Variants in TSKS observed in about 807,000 individuals in gnomAD.
The protein encoded by TSKS is testis-specific serine kinase substrate.
A neutral mutation model predicts 68.0 loss-of-function variants in TSKS; 27 were observed. The ratio of observed to expected loss-of-function variants is 0.40; its 90% CI spans 0.29 to 0.55. TSKS has a LOEUF of 0.55. TSKS is among the 20% of genes least tolerant of loss of function. The probability of loss-of-function intolerance (pLI) is 0.53; values close to 1 mark genes in which losing one functional copy is unlikely to be tolerated. For missense variants in TSKS, 806 were observed against 776.0 expected, an observed-to-expected ratio of 1.04 and a Z score of -0.46; for synonymous variants, 331 against 340.4, an observed-to-expected ratio of 0.97 and a Z score of 0.30.
At chr19:49,744,517 C>T in intron 7 of TSKS, 113 bp from the exon 8 acceptor site, 1 of 1,059,690 alleles carries the variant, frequency 9.4e-7, no homozygotes, top group South Asian at 1.5e-5. Flanking sequence ...AGCAATTCTC[C>T]ACCCTGCCCT....
Position 49,746,661 on chromosome 19 carries a change from G to T in TSKS, c.801C>A (p.Gly267=). ...EPEEKQKPEA[G]LSWNSLGPAA... is the part of the protein sequence containing the mutation. ...CGGGGCCCAGGCTGTTCCAGGAGAG[G>T]CCAGCCTCCGGCTTCTGCTTCTCCT... The change falls in exon 6 of 11, where the codon GGC becomes GGA. Residue 267 remains glycine (G), a synonymous_variant. Coordinates refer to ENST00000246801, the MANE Select transcript of TSKS (RefSeq NM_021733.2). 6.2e-7 allele frequency: 1 copy of T among 1,606,184 alleles called. No homozygotes were observed. The highest frequency in any genetic ancestry group is 8.5e-7 in the Non-Finnish European group (1 of 1,179,248).
chr19:49,746,372 C>T, intron 6 of TSKS, 98 bp downstream of exon 6: 1 of 1,428,332 alleles, frequency 7.0e-7, no homozygotes, highest in South Asian at 1.3e-5. Flanking sequence ...CTTGAGAACC[C>T]CCGTCCCTTG....
chr19:49,740,213 C>G, intron 9 of TSKS, 30 bp from the exon 10 acceptor site: 1 of 1,596,186 alleles, frequency 6.3e-7, no homozygotes, highest in Non-Finnish European at 8.5e-7. Context: ...CGTAGCTGGG[C>G]TTGCTGGACT....
At chr19:49,743,647 G>A (rs1012345509) in intron 8 of TSKS, among the ~76,000 whole-genome samples, 3 of 151,680 alleles carry the variant, frequency 2.0e-5, no homozygotes, top group Non-Finnish European at 2.9e-5. Context: ...ACAGGCACCC[G>A]CCACCACGCC....
chr19:49,749,514 C>T (rs924054488), intron 2 of TSKS, among the ~76,000 whole-genome samples: 2 of 152,168 alleles, frequency 1.3e-5, no homozygotes, highest in African/African-American at 4.8e-5. Context: ...CACATGACTG[C>T]CCAACCAGAG....
At chr19:49,751,181 G>A (rs557415202) in intron 2 of TSKS, among the ~76,000 whole-genome samples, 1 of 151,180 alleles carries the variant, frequency 6.6e-6, no homozygotes. Flanking sequence ...GCAGGCAGTT[G>A]TAATCCCAGC....
intron 9 of TSKS, among the ~76,000 whole-genome samples, 158 bp downstream of exon 9, chr19:49,741,727 C>G (rs1444066893): frequency 2.6e-5 from 4 of 152,204 alleles, no homozygotes; most frequent in African/African-American, 9.6e-5. Context: ...GTCCATCTCC[C>G]CATGCATTAG....
chr19:49,747,571 C>G lies in TSKS; in HGVS notation c.580-99G>C, dbSNP rs1190857002. ...TCCATCCAGGCTCCAGGCCTCCTAGCCCCCCAGTACAAGACACACTCACCA... is the reference window on the plus strand; with the variant it reads ...TCCATCCAGGCTCCAGGCCTCCTAGGCCCCCAGTACAAGACACACTCACCA... On this transcript the variant is annotated intron_variant, in intron 4 of 10. Coordinates refer to ENST00000246801, the MANE Select transcript of TSKS (RefSeq NM_021733.2). The G allele has an allele frequency of 3.4e-6, 4 of 1,184,596 alleles. No individual in the cohort carries two copies. The African/African-American group carries it at 6.0e-5, about 18-fold the overall frequency. The allele number at this position is 1,184,596 out of a possible 1,614,324, so 73.4% of individuals were successfully genotyped here. A position where few individuals can be genotyped will look rare whatever the true frequency, so the allele number is the denominator to read the frequency against.
At position 49,763,186 on chromosome 19, in the gene TSKS, G is replaced by T; in HGVS notation, c.62C>A (p.Thr21Asn). The T allele has an allele frequency of 1.3e-6, 2 of 1,595,194 alleles. No individual in the cohort carries two copies. The highest frequency in any genetic ancestry group is 1.7e-6 in the Non-Finnish European group (2 of 1,170,956). The change falls in exon 1 of 11, where the codon ACC becomes AAC. Residue 21 changes from threonine (T) to asparagine (N), a missense_variant. Thr to Asn is a moderately conservative substitution (Grantham distance 65). Coordinates refer to ENST00000246801, the MANE Select transcript of TSKS (RefSeq NM_021733.2). The surrounding 1 kb of genome is among the most constrained non-coding windows in gnomAD (Gnocchi z 4.5). ...GGAGCAGCTCTCCACCCCCGTGGGGGTGTCCCCGGCCTCATGGATCTCTTT... is the reference window on the plus strand; with the variant it reads ...GGAGCAGCTCTCCACCCCCGTGGGGTTGTCCCCGGCCTCATGGATCTCTTT... ...QSKEIHEAGD[T>N]PTGVESCSQL...
intron 6 of TSKS, among the ~76,000 whole-genome samples, chr19:49,745,976 G>T (rs1366322746): frequency 6.6e-6 from 1 of 152,122 alleles, no homozygotes; most frequent in Non-Finnish European, 1.5e-5. Flanking sequence ...GAGGCCAGGA[G>T]ATCGAGGCCA....
intron 2 of TSKS, among the ~76,000 whole-genome samples, chr19:49,758,117 A>ACTCTCTGGGTCTCTGTCCCCCC (rs2084408464): frequency 2.9e-5 from 3 of 104,956 alleles, no homozygotes; most frequent in African/African-American, 1.1e-4. Context: ...TCTGTCCCCC[A>ACTCTCTGGGTCTCTGTCCCCCC]CTCTCTGGGT....
intron 2 of TSKS, among the ~76,000 whole-genome samples, chr19:49,759,377 A>G (rs28794768): frequency 0.31 from 45,950 of 150,398 alleles, 8,980 homozygotes; most frequent in African/African-American, 0.56. Flanking sequence ...GCTGAGGCAG[A>G]AGAATGGCTT....
chr19:49,757,314 G>C (rs993760733), intron 2 of TSKS, among the ~76,000 whole-genome samples: 2 of 152,164 alleles, frequency 1.3e-5, no homozygotes, highest in African/African-American at 4.8e-5. Context: ...CCAAAATCTT[G>C]TTTGCAACCT....
At position 49,740,184 on chromosome 19, in the gene TSKS, C is replaced by T; in HGVS notation, c.1498-1G>A. Reference sequence around the variant, plus strand: ...TGGCTAAGGCCTGGCGCTCCAGCTCCTGGGGAGAGGAGCGTAGGCGTAGCT... The same window carrying T: ...TGGCTAAGGCCTGGCGCTCCAGCTCTTGGGGAGAGGAGCGTAGGCGTAGCT... On this transcript the variant is annotated splice_acceptor_variant, in intron 9 of 10. Transcript: ENST00000246801. LOFTEE classifies it high-confidence loss of function. 1 of 1,611,412 alleles carries T rather than the reference C, an allele frequency of 6.2e-7. No homozygotes were observed. Among genetic ancestry groups the T allele is most frequent in the Non-Finnish European group, 8.5e-7 (1 of 1,179,430 alleles).
intron 1 of TSKS, 77 bp downstream of exon 1, chr19:49,763,000 AC>A: frequency 1.4e-6 from 2 of 1,474,120 alleles, no homozygotes; most frequent in Non-Finnish European, 1.8e-6. Context: ...TTCCTCTAGC[AC>A]CCACAGTCGG....
chr19:49,746,403 C>T (rs2084300330), intron 6 of TSKS, 67 bp downstream of exon 6: 1 of 1,584,978 alleles, frequency 6.3e-7, no homozygotes. Context: ...ACCGCATCTC[C>T]TCGAGGCTCC....
chr19:49,763,050 C>G lies in TSKS; in HGVS notation c.170+28G>C. 6.2e-7 allele frequency: 1 copy of G among 1,601,232 alleles called. No individual in the cohort carries two copies. Among genetic ancestry groups the G allele is most frequent in the Non-Finnish European group, 8.5e-7 (1 of 1,173,784 alleles). The stretch of plus-strand genomic sequence containing the variant: ...TGGAGGTAGTGCTGGGCATTAGAAC[C>G]ATCCCTGACAGTGTGCAACAAACCC... On this transcript the variant is annotated intron_variant, in intron 1 of 10. Coordinates refer to ENST00000246801, the MANE Select transcript of TSKS (RefSeq NM_021733.2). The surrounding 1 kb of genome is among the most constrained non-coding windows in gnomAD (Gnocchi z 4.5).
chr19:49,744,947 G>C (rs943247491), intron 7 of TSKS, among the ~76,000 whole-genome samples: 1 of 151,964 alleles, frequency 6.6e-6, no homozygotes, highest in Non-Finnish European at 1.5e-5. Flanking sequence ...TGATTTTCTC[G>C]GATCCCACTT....
intron 2 of TSKS, among the ~76,000 whole-genome samples, chr19:49,750,092 A>G (rs1225846757): frequency 1.2e-4 from 18 of 152,102 alleles, no homozygotes; most frequent in Admixed American, 1.2e-3. Flanking sequence ...TAGAGGACAC[A>G]ATGAAACAGA....
Sources: gnomAD v4.1 joint callset for allele counts (sites outside exome capture counted in the v4.1 genomes callset) on GRCh38, gnomAD v4.1.1 for gene constraint, Gnocchi (gnomAD v3.1) non-coding constraint, MANE v1.5 for transcripts, NCBI Gene and HGNC (gene_info 2026-07-23, HGNC 2026-07-21) for gene names.